TYW1B: variants seen among roughly 807,000 people sequenced by gnomAD.
The protein encoded by TYW1B is S-adenosyl-L-methionine-dependent tRNA 4-demethylwyosine synthase TYW1B.
A neutral mutation model predicts 86.9 loss-of-function variants in TYW1B; 73 were observed. That is an observed-to-expected ratio of 0.84 (90% CI 0.70 to 1.02). The LOEUF is 1.02. TYW1B is among the 50% of genes least tolerant of loss of function. The probability of loss-of-function intolerance (pLI) is 0.00; values close to 1 mark genes in which losing one functional copy is unlikely to be tolerated. For synonymous variants in TYW1B, 248 were observed against 292.8 expected (o/e 0.85, Z 1.56); for missense variants, 637 against 827.4 (o/e 0.77, Z 2.82).
At chr7:72,826,790 A>C in intron 2 of TYW1B, 65 bp downstream of exon 2, 1 of 1,546,576 alleles carries the variant, frequency 6.5e-7, no homozygotes, top group Non-Finnish European at 8.7e-7. Context: ...GGTTCCTTTT[A>C]GTGTTTAAAT....
At chr7:72,603,543 C>A in intron 13 of TYW1B, among the ~76,000 whole-genome samples, 1 of 152,310 alleles carries the variant, frequency 6.6e-6, no homozygotes, top group East Asian at 1.9e-4. Flanking sequence ...CCTAACACTG[C>A]GCCCCCTGGA....
chr7:72,697,740 T>A (rs1328157547), intron 10 of TYW1B, among the ~76,000 whole-genome samples: 1 of 152,168 alleles, frequency 6.6e-6, no homozygotes, highest in Non-Finnish European at 1.5e-5. Context: ...AAAGACAATA[T>A]TTAAGATAGA....
chr7:72,789,939 C>CTTTTT lies in TYW1B; in HGVS notation c.847-12411_847-12407dup, dbSNP rs67405029. Among the ~76,000 whole-genome samples, 8 of 69,206 alleles carry CTTTTT rather than the reference C, an allele frequency of 1.2e-4. 1 individual carries two copies. The highest frequency in any genetic ancestry group is 2.1e-4 in the African/African-American group (4 of 18,992). The allele number at this position is 69,206 out of a possible 152,430, so 45.4% of individuals were successfully genotyped here. A position where few individuals can be genotyped will look rare whatever the true frequency, so the allele number is the denominator to read the frequency against. ...GAACATTCTCAAGTGATAGGATTAT[C>CTTTTT]TTTTTTTTTTTTTTTTTTTTTTTTT... On this transcript the variant is annotated intron_variant, in intron 6 of 13. Coordinates refer to ENST00000620995, the MANE Select transcript of TYW1B (RefSeq NM_001145440.3).
chr7:72,651,564 G>A (rs1187531298), intron 11 of TYW1B, among the ~76,000 whole-genome samples: 3 of 152,076 alleles, frequency 2.0e-5, no homozygotes, highest in South Asian at 2.1e-4. Flanking sequence ...GCAGTGAGCC[G>A]AAATCGCATC....
chr7:72,781,803 C>T (rs1162139809), intron 6 of TYW1B, among the ~76,000 whole-genome samples: 1 of 152,156 alleles, frequency 6.6e-6, no homozygotes, highest in African/African-American at 2.4e-5. Flanking sequence ...CTCATATCCT[C>T]GCCAAGCTGC....
intron 10 of TYW1B, among the ~76,000 whole-genome samples, chr7:72,708,810 A>G (rs559084403): frequency 6.6e-6 from 1 of 152,220 alleles, no homozygotes; most frequent in African/African-American, 2.4e-5. Context: ...TGAAAGAATT[A>G]GTTTAAAAGT....
chr7:72,696,123 T>A (rs1563062168), intron 10 of TYW1B, among the ~76,000 whole-genome samples: 3 of 151,988 alleles, frequency 2.0e-5, no homozygotes, highest in Non-Finnish European at 2.9e-5. Context: ...AATTTTTGTA[T>A]TTTTAGTAGA....
intron 13 of TYW1B, among the ~76,000 whole-genome samples, chr7:72,584,366 T>C (rs1811224952): frequency 6.6e-6 from 1 of 152,172 alleles, no homozygotes; most frequent in African/African-American, 2.4e-5. Flanking sequence ...TTTTGTTTGT[T>C]TGTTTGTTTT....
intron 7 of TYW1B, among the ~76,000 whole-genome samples, chr7:72,756,296 A>G (rs1787588193): frequency 6.6e-6 from 1 of 151,558 alleles, no homozygotes; most frequent in Non-Finnish European, 1.5e-5. Context: ...ATGCGGTGGC[A>G]TGATCTCAGC....
intron 2 of TYW1B, among the ~76,000 whole-genome samples, chr7:72,818,527 C>T (rs1324167682): frequency 7.6e-6 from 1 of 132,316 alleles, no homozygotes; most frequent in Non-Finnish European, 1.5e-5. Context: ...TGCAGTGAGC[C>T]GAGACCACAC....
At chr7:72,702,462 A>G (rs1814497251) in intron 10 of TYW1B, among the ~76,000 whole-genome samples, 1 of 152,064 alleles carries the variant, frequency 6.6e-6, no homozygotes, top group South Asian at 2.1e-4. Context: ...ATTTCAGCTC[A>G]CTGCAACCTC....
intron 6 of TYW1B, among the ~76,000 whole-genome samples, chr7:72,801,803 C>T (rs1554475639): frequency 6.6e-6 from 1 of 152,136 alleles, no homozygotes; most frequent in Non-Finnish European, 1.5e-5. Flanking sequence ...TCCACACCCA[C>T]AGACCAGGCT....
chr7:72,815,558 A>T, intron 2 of TYW1B, 77 bp from the exon 3 acceptor site: 2 of 1,284,560 alleles, frequency 1.6e-6, no homozygotes, highest in South Asian at 2.6e-5. Flanking sequence ...TGTTGGCACA[A>T]GAATGTGGCA....
At chr7:72,744,710 T>TC in intron 7 of TYW1B, 109 bp from the exon 8 acceptor site, 2 of 1,233,556 alleles carry the variant, frequency 1.6e-6, no homozygotes, top group Non-Finnish European at 2.4e-6. Flanking sequence ...CCATGAATAC[T>TC]CCTACTAGTA....
chr7:72,745,354 T>C (rs1227730762), intron 7 of TYW1B, among the ~76,000 whole-genome samples: 1 of 152,048 alleles, frequency 6.6e-6, no homozygotes, highest in African/African-American at 2.4e-5. Context: ...TGAGACACTG[T>C]GGAAGCAAGC....
chr7:72,669,230 C>T (rs1401133067), intron 11 of TYW1B, among the ~76,000 whole-genome samples: 4 of 135,830 alleles, frequency 2.9e-5, no homozygotes, highest in Non-Finnish European at 6.1e-5. Flanking sequence ...TTCCAACTTC[C>T]GCCTCCTGGG....
In TYW1B at chr7:72,681,593, T is replaced by TC. The variant is rs1248371589; in HGVS notation, c.1506+13093_1506+13094insG. ...GTGTTGGAGTGTTATATTTACTTCT[T>TC]TTTTTTTTTTTTTTTTTTTGAGTTA... On this transcript the variant is annotated intron_variant, in intron 11 of 13. Transcript: ENST00000620995. 2.1e-3 allele frequency among the ~76,000 whole-genome samples: 286 copies of TC among 138,406 alleles called. 1 individual carries two copies. Among genetic ancestry groups the TC allele is most frequent in the African/African-American group, 7.2e-3 (278 of 38,690 alleles). The allele number at this position is 138,406 out of a possible 152,430, so 90.8% of individuals were successfully genotyped here. A position where few individuals can be genotyped will look rare whatever the true frequency, so the allele number is the denominator to read the frequency against.
chr7:72,706,837 T>C (rs1359078616), intron 10 of TYW1B, among the ~76,000 whole-genome samples: 1 of 152,216 alleles, frequency 6.6e-6, no homozygotes, highest in East Asian at 1.9e-4. Context: ...TAAAACCTCT[T>C]GGTTTTTCAA....
rs548087188 is a variant in TYW1B at position 72,592,465 on chromosome 7, A to T, written c.1786-16746T>A. 1.7e-3 allele frequency among the ~76,000 whole-genome samples: 258 copies of T among 152,352 alleles called. 1 individual carries two copies. The highest frequency in any genetic ancestry group is 6.0e-3 in the African/African-American group (249 of 41,594). On this transcript the variant is annotated intron_variant, in intron 13 of 13. Coordinates refer to ENST00000620995, the MANE Select transcript of TYW1B (RefSeq NM_001145440.3). ...TGCAAAGAATCAACTCAACACAAAGAAGACAATATTCAGAAAATGAGACAA... is the reference window on the plus strand; with the variant it reads ...TGCAAAGAATCAACTCAACACAAAGTAGACAATATTCAGAAAATGAGACAA...
Sources: allele counts gnomAD v4.1 joint callset (sites outside exome capture counted in the v4.1 genomes callset), GRCh38; gene constraint gnomAD v4.1.1; transcripts MANE v1.5; gene names NCBI Gene and HGNC (gene_info 2026-07-23, HGNC 2026-07-21).